The following KIAA0753 variants were observed in gnomAD, a reference collection of about 807,000 sequenced individuals.
The protein encoded by KIAA0753 is protein moonraker.
In KIAA0753, 114 loss-of-function variants were observed where a neutral mutation model predicts 116.9. The ratio of observed to expected loss-of-function variants is 0.98; its 90% CI spans 0.84 to 1.14. The LOEUF (loss-of-function observed/expected upper bound fraction) is 1.14. Among genes scored for constraint, KIAA0753 ranks in the 50% most tolerant of loss-of-function variants. The pLI, the probability that KIAA0753 is intolerant of heterozygous loss-of-function variation, is 0.00. For missense variants in KIAA0753, 1,156 were observed against 1,172.4 expected (o/e 0.99, Z 0.20); for synonymous variants, 405 against 413.1 (o/e 0.98, Z 0.24).
At position 6,610,165 on chromosome 17, in the gene KIAA0753, G is replaced by A. The variant is rs1419564434; in HGVS notation, c.1546-5C>T. Reference sequence around the variant, plus strand: ...TCTTTCAGCTTTGCGGAGTCCCTGTGAGAGATAAGTAAGAATTATAAGGCC... The same window carrying A: ...TCTTTCAGCTTTGCGGAGTCCCTGTAAGAGATAAGTAAGAATTATAAGGCC... On this transcript the variant is annotated splice_polypyrimidine_tract_variant and splice_region_variant and intron_variant, in intron 8 of 18. Transcript: ENST00000361413. The A allele has an allele frequency of 6.2e-7, 1 of 1,613,892 alleles. No homozygotes were observed. The highest frequency in any genetic ancestry group is 1.3e-5 in the African/African-American group (1 of 75,020).
rs765683193 is a variant in KIAA0753 at position 6,596,180 on chromosome 17, A to G, written c.2336T>C (p.Met779Thr). ...SKDSPDLEIMMRRMEEMEKYQ... is the reference protein window; with the variant it reads ...SKDSPDLEIMTRRMEEMEKYQ... ...TACTTCCATCTCTTCCATTCGGCGC[A>G]TCATGATCTCCAGATCTGGGCTATC... is the stretch of plus-strand genomic sequence containing the variant. Residue 779 changes from methionine to threonine, a missense_variant, in exon 15 of 19, where the codon ATG becomes ACG. Met to Thr is a moderately conservative substitution (Grantham distance 81). Coordinates refer to ENST00000361413, the MANE Select transcript of KIAA0753 (RefSeq NM_014804.3). The G allele has an allele frequency of 6.2e-7, 1 of 1,613,898 alleles. No individual in the cohort carries two copies. The highest frequency in any genetic ancestry group is 1.1e-5 in the South Asian group (1 of 91,076).
At chr17:6,622,763 A>C (rs781180594) in intron 6 of KIAA0753, 119 bp downstream of exon 6, 140 of 840,070 alleles carry the variant, frequency 1.7e-4, no homozygotes, top group Middle Eastern at 1.2e-3. Context: ...CCCTCTGCAA[A>C]GCTTTAATTC....
intron 12 of KIAA0753, among the ~76,000 whole-genome samples, chr17:6,606,192 C>A (rs1056228640): frequency 6.6e-6 from 1 of 152,174 alleles, no homozygotes; most frequent in Non-Finnish European, 1.5e-5. Flanking sequence ...GAAATCTTTA[C>A]TACAGACAAA....
intron 18 of KIAA0753, among the ~76,000 whole-genome samples, chr17:6,584,156 A>AATTCCAACCTCTGTCCTCTG (rs71154702): frequency 0.65 from 98,708 of 151,732 alleles, 32,693 homozygotes; most frequent in African/African-American, 0.77. Flanking sequence ...GCAACCCGTG[A>AATTCCAACCTCTGTCCTCTG]ATTCCAGCCT....
At chr17:6,593,744 C>T (rs1207311411) in intron 16 of KIAA0753, among the ~76,000 whole-genome samples, 2 of 152,138 alleles carry the variant, frequency 1.3e-5, no homozygotes, top group South Asian at 2.1e-4. Flanking sequence ...ATTAGCTGGG[C>T]GTGGTGGCAC....
At position 6,610,021 on chromosome 17, in the gene KIAA0753, G is replaced by T; in HGVS notation, c.1685C>A (p.Pro562His). 1 of 1,614,084 alleles carries T rather than the reference G, an allele frequency of 6.2e-7. No individual in the cohort carries two copies. Among genetic ancestry groups the T allele is most frequent in the Non-Finnish European group, 8.5e-7 (1 of 1,179,980 alleles). ...TTTAGGAGACGCTGGTGGGGATGTG[G>T]GGTTTGGGGGTATCCATGGTGCCTT... ...DRKAPWIPPN[P>H]TSPPASPKCA... The change falls in exon 9 of 19, where the codon CCC (proline) becomes CAC (histidine). Residue 562 changes from proline (P) to histidine (H), a missense_variant. Pro to His is a moderately conservative substitution (Grantham distance 77, BLOSUM62 -2). Transcript: ENST00000361413.
intron 14 of KIAA0753, among the ~76,000 whole-genome samples, chr17:6,598,466 C>T (rs1198583289): frequency 6.6e-6 from 1 of 152,200 alleles, no homozygotes; most frequent in African/African-American, 2.4e-5. Context: ...CTACCTTCTT[C>T]CTGCCCCTAA....
intron 12 of KIAA0753, among the ~76,000 whole-genome samples, chr17:6,605,088 G>GAAAA (rs35631503): frequency 1.3e-5 from 1 of 75,822 alleles, no homozygotes; most frequent in Non-Finnish European, 2.8e-5. Context: ...TCTCTAACTT[G>GAAAA]AAAAAAAAAA....
In KIAA0753 at chr17:6,592,331, TAA is replaced by T. The variant is rs1188048690; in HGVS notation, c.2441-1703_2441-1702del. 2.6e-5 allele frequency among the ~76,000 whole-genome samples: 4 copies of T among 152,176 alleles called. No individual in the cohort carries two copies. The East Asian group carries it at 7.7e-4, about 29-fold the overall frequency. On this transcript the variant is annotated intron_variant, in intron 16 of 18. Coordinates refer to ENST00000361413, the MANE Select transcript of KIAA0753 (RefSeq NM_014804.3). Reference sequence around the variant, plus strand: ...TGACATGCGACACAGGCTGCTGTGGTAAACCTTCCATCCCCCATTTCCTTTTG... The same window carrying T: ...TGACATGCGACACAGGCTGCTGTGGTACCTTCCATCCCCCATTTCCTTTTG...
chr17:6,615,405 T>TC (rs1275811179), intron 7 of KIAA0753, among the ~76,000 whole-genome samples: 1 of 152,030 alleles, frequency 6.6e-6, no homozygotes, highest in African/African-American at 2.4e-5. Context: ...TGCTGGCGAT[T>TC]CAGATATGCT....
At chr17:6,616,014 G>A (rs915750930) in intron 7 of KIAA0753, among the ~76,000 whole-genome samples, 1 of 150,720 alleles carries the variant, frequency 6.6e-6, no homozygotes, top group African/African-American at 2.4e-5. Flanking sequence ...GTGGGGAAGA[G>A]GAGACCTTAG....
intron 16 of KIAA0753, among the ~76,000 whole-genome samples, chr17:6,591,693 C>T (rs1206984378): frequency 2.6e-5 from 4 of 152,212 alleles, no homozygotes; most frequent in African/African-American, 7.2e-5. Flanking sequence ...ACACTAAGTC[C>T]TCTGTAAGAC....
intron 1 of KIAA0753, 34 bp from the exon 2 acceptor site, chr17:6,635,205 C>T (rs933136816): frequency 6.0e-6 from 5 of 829,442 alleles, no homozygotes; most frequent in African/African-American, 3.3e-5. Flanking sequence ...AGACCAACAG[C>T]GTTGAACAAG....
rs190217255 is a variant in KIAA0753, at chr17:6,631,541, G to A, written c.94-2800C>T. Reference sequence around the variant, plus strand: ...TTGTGAGTTTTAATACAGACATATAGGCAGACAGACACAGAAAGATACATA... The same window carrying A: ...TTGTGAGTTTTAATACAGACATATAAGCAGACAGACACAGAAAGATACATA... On this transcript the variant is annotated intron_variant, in intron 2 of 18. Transcript: ENST00000361413. Among the ~76,000 whole-genome samples, 137 of 151,350 alleles carry A rather than the reference G, an allele frequency of 9.1e-4. 3 individuals carry two copies. Among genetic ancestry groups the A allele is most frequent in the Non-Finnish European group, 1.7e-3 (117 of 67,488 alleles).
intron 18 of KIAA0753, among the ~76,000 whole-genome samples, chr17:6,587,721 T>C (rs369967425): frequency 6.6e-6 from 1 of 152,186 alleles, no homozygotes. Context: ...CTATCATATA[T>C]ACCAAAGAAA....
rs73342622 is a variant in KIAA0753, at chr17:6,596,178, G to T, written c.2338C>A (p.Arg780Ser). Residue 780 changes from arginine (R) to serine (S), a missense_variant, in exon 15 of 19, where the codon CGC (arginine) becomes AGC (serine). Physicochemically the swap from Arg to Ser is moderately radical, Grantham distance 110. Coordinates refer to ENST00000361413, the MANE Select transcript of KIAA0753 (RefSeq NM_014804.3). Reference protein sequence around the residue: ...KDSPDLEIMMRRMEEMEKYQE... With the variant: ...KDSPDLEIMMSRMEEMEKYQE... ...CTTACTTCCATCTCTTCCATTCGGCGCATCATGATCTCCAGATCTGGGCTA... is the reference window on the plus strand; with the variant it reads ...CTTACTTCCATCTCTTCCATTCGGCTCATCATGATCTCCAGATCTGGGCTA... 2 of 1,613,770 alleles carry T rather than the reference G, an allele frequency of 1.2e-6. No homozygotes were observed. Among genetic ancestry groups the T allele is most frequent in the Non-Finnish European group, 1.7e-6 (2 of 1,179,758 alleles).
At chr17:6,601,843 A>G (rs2150796843) in intron 12 of KIAA0753, among the ~76,000 whole-genome samples, 1 of 152,326 alleles carries the variant, frequency 6.6e-6, no homozygotes, top group Admixed American at 6.5e-5. Context: ...TAGTCATCAA[A>G]AGACACCATT....
At chr17:6,597,033 T>C (rs1487423311) in intron 14 of KIAA0753, among the ~76,000 whole-genome samples, 1 of 152,250 alleles carries the variant, frequency 6.6e-6, no homozygotes, top group Non-Finnish European at 1.5e-5. Flanking sequence ...TGCCCATTCA[T>C]AAGCCTGCAA....
At position 6,623,015 on chromosome 17, in the gene KIAA0753, C is replaced by A. The variant is rs748381762; in HGVS notation, c.971G>T (p.Arg324Leu). ...CCGAGCAGGAAGTGGATGCTCCCCT[C>A]GGTCAGTAAACTGAGTGACAAACAT... The part of the protein sequence containing the change: ...LQMFVTQFTD[R>L]GEHPLPARCK... Residue 324 changes from arginine (R) to leucine (L), a missense_variant, in exon 6 of 19, where the codon CGA (arginine) becomes CTA (leucine). Physicochemically the swap from Arg to Leu is moderately radical, Grantham distance 102 (BLOSUM62 -2). Coordinates refer to ENST00000361413, the MANE Select transcript of KIAA0753 (RefSeq NM_014804.3). The A allele has an allele frequency of 1.2e-6, 2 of 1,614,164 alleles. No individual in the cohort carries two copies. Among genetic ancestry groups the A allele is most frequent in the Non-Finnish European group, 1.7e-6 (2 of 1,180,030 alleles).
Sources: allele counts gnomAD v4.1 joint callset (sites outside exome capture counted in the v4.1 genomes callset), GRCh38; gene constraint gnomAD v4.1.1; transcripts MANE v1.5; gene names NCBI Gene and HGNC (gene_info 2026-07-23, HGNC 2026-07-21).